The following BNC2 variants were observed in gnomAD, a reference collection of about 807,000 sequenced individuals.
BNC2 encodes the protein basonuclin zinc finger protein 2, also known as zinc finger protein basonuclin-2.
Under a neutral mutation model 76.3 loss-of-function variants are expected in BNC2, and 20 were observed. The observed-to-expected ratio is 0.26, with a 90% CI of 0.18 to 0.38. The LOEUF (loss-of-function observed/expected upper bound fraction) is 0.38, where lower values mean the gene tolerates loss of function less well. BNC2 is among the 10% of genes least tolerant of loss of function. BNC2 has a pLI of 1.00. For missense variants in BNC2, 1,382 were observed against 1,399.8 expected (o/e 0.99, Z 0.20); for synonymous variants, 582 against 514.8 (o/e 1.13, Z -1.77).
At chr9:16,685,693 C>T (rs1822956885) in intron 3 of BNC2, 1 of 1,127,324 alleles carries the variant, frequency 8.9e-7, no homozygotes, top group Admixed American at 2.3e-5. Context: ...CACAGTCACA[C>T]TTGACCCAGG....
chr9:16,860,863 T>C (rs1477187104), intron 1 of BNC2, among the ~76,000 whole-genome samples: 10 of 151,918 alleles, frequency 6.6e-5, no homozygotes, highest in Middle Eastern at 3.2e-3. Context: ...CTGGCCAACA[T>C]AGAGAAACCC....
intron 1 of BNC2, among the ~76,000 whole-genome samples, chr9:16,845,910 G>A (rs1047316438): frequency 1.3e-5 from 2 of 152,036 alleles, no homozygotes; most frequent in Non-Finnish European, 2.9e-5. Flanking sequence ...AGCACTTTGG[G>A]AGGCCGAGAC....
intron 5 of BNC2, among the ~76,000 whole-genome samples, chr9:16,465,688 A>G (rs1407889380): frequency 6.6e-6 from 1 of 152,150 alleles, no homozygotes; most frequent in Non-Finnish European, 1.5e-5. Flanking sequence ...ATAACAAGAT[A>G]AGGAAAAAAA....
At chr9:16,465,415 G>A (rs1163675624) in intron 5 of BNC2, among the ~76,000 whole-genome samples, 1 of 128,414 alleles carries the variant, frequency 7.8e-6, no homozygotes, top group African/African-American at 3.2e-5. Context: ...TAGCCTGGGC[G>A]ACAGTGAGAC....
At chr9:16,510,360 T>A (rs1822724492) in intron 5 of BNC2, among the ~76,000 whole-genome samples, 1 of 152,206 alleles carries the variant, frequency 6.6e-6, no homozygotes, top group African/African-American at 2.4e-5. Context: ...AGTCTCCTAC[T>A]TCGTCATGAA....
chr9:16,439,942 G>A (rs1398927560), intron 5 of BNC2, among the ~76,000 whole-genome samples: 1 of 152,168 alleles, frequency 6.6e-6, no homozygotes, highest in Non-Finnish European at 1.5e-5. Flanking sequence ...ACATAAGGGT[G>A]CAGGCACATG....
chr9:16,654,876 T>C (rs974218554), intron 3 of BNC2, among the ~76,000 whole-genome samples: 10 of 152,296 alleles, frequency 6.6e-5, no homozygotes, highest in African/African-American at 2.4e-4. Flanking sequence ...CGTTCCATCA[T>C]GGAGGTCTTG....
At chr9:16,430,204 A>G (rs1318223203) in intron 6 of BNC2, among the ~76,000 whole-genome samples, 1 of 152,184 alleles carries the variant, frequency 6.6e-6, no homozygotes, top group Admixed American at 6.5e-5. Context: ...GGAAAAAAAA[A>G]AAACTCTTCC....
intron 1 of BNC2, among the ~76,000 whole-genome samples, chr9:16,783,667 T>A (rs1030693177): frequency 1.3e-5 from 2 of 152,220 alleles, no homozygotes; most frequent in Non-Finnish European, 2.9e-5. Context: ...GATCACAGTA[T>A]CTCTATAACA....
At chr9:16,426,097 A>C (rs1018992189) in intron 6 of BNC2, among the ~76,000 whole-genome samples, 1 of 152,222 alleles carries the variant, frequency 6.6e-6, no homozygotes, top group African/African-American at 2.4e-5. Flanking sequence ...TATGGTGCTC[A>C]GTTTACTACT....
intron 3 of BNC2, among the ~76,000 whole-genome samples, chr9:16,646,387 T>G (rs1348638062): frequency 6.6e-6 from 1 of 152,220 alleles, no homozygotes; most frequent in East Asian, 1.9e-4. Context: ...TATTCATTTT[T>G]TAAATGGCTG....
chr9:16,842,010 C>T (rs1818842881), intron 1 of BNC2, among the ~76,000 whole-genome samples: 1 of 152,094 alleles, frequency 6.6e-6, no homozygotes, highest in South Asian at 2.1e-4. Flanking sequence ...GGTTTCACCA[C>T]TTTTGGTCAG....
intron 1 of BNC2, among the ~76,000 whole-genome samples, chr9:16,753,135 G>A (rs74742691): frequency 0.052 from 4,393 of 85,130 alleles, 148 homozygotes; most frequent in East Asian, 0.17. Flanking sequence ...GACAAACACA[G>A]CAGTTTGAAT....
intron 3 of BNC2, among the ~76,000 whole-genome samples, chr9:16,630,793 G>C (rs1165447381): frequency 1.4e-5 from 2 of 142,842 alleles, no homozygotes; most frequent in Non-Finnish European, 3.0e-5. Context: ...AGGCTGGAGG[G>C]CAACGGTGCG....
At chr9:16,756,552 T>A (rs570063105) in intron 1 of BNC2, among the ~76,000 whole-genome samples, 93 of 152,348 alleles carry the variant, frequency 6.1e-4, no homozygotes, top group African/African-American at 2.0e-3. Flanking sequence ...CCCTGTAAGA[T>A]TTGATCTCTG....
At chr9:16,617,548 C>A (rs7049082) in intron 3 of BNC2, among the ~76,000 whole-genome samples, 123,477 of 149,798 alleles carry the variant, frequency 0.82, 53,127 homozygotes, top group East Asian at 0.96. Flanking sequence ...AAAAAAACCA[C>A]GATTATCTAT....
intron 1 of BNC2, among the ~76,000 whole-genome samples, chr9:16,836,516 A>C (rs1200972844): frequency 6.7e-6 from 1 of 149,160 alleles, no homozygotes. Flanking sequence ...TCCTTTCAGG[A>C]GAAAAAAAAA....
Position 16,436,224 on chromosome 9 carries a change from T to G in BNC2, c.1970A>C (p.Asp657Ala). ...IDTADEFDDE[D>A]DDPNDGGAVV... The stretch of plus-strand genomic sequence containing the variant: ...AGCTCCACCATCATTGGGGTCATCA[T>G]CTTCATCATCAAACTCATCGGCGGT... The change falls in exon 6 of 7, where the codon GAT becomes GCT. Residue 657 changes from aspartate (D) to alanine (A), a missense_variant. Asp to Ala is a moderately radical substitution (Grantham distance 126). This residue lies in a region of BNC2 where 798 missense variants were observed against 775.5 expected (regional missense o/e 1.03). Transcript: ENST00000380672. The G allele has an allele frequency of 6.2e-7, 1 of 1,614,160 alleles. No homozygotes were observed. Among genetic ancestry groups the G allele is most frequent in the Admixed American group, 1.7e-5 (1 of 60,014 alleles).
intron 3 of BNC2, among the ~76,000 whole-genome samples, chr9:16,595,800 A>G (rs1563855418): frequency 6.6e-6 from 1 of 152,152 alleles, no homozygotes; most frequent in African/African-American, 2.4e-5. Flanking sequence ...CAAATGCTTC[A>G]ACATCACTGA....
Sources: gnomAD v4.1 joint callset for allele counts (sites outside exome capture counted in the v4.1 genomes callset) on GRCh38, gnomAD v4.1.1 for gene constraint, gnomAD v4.1.1 regional missense constraint, MANE v1.5 for transcripts, NCBI Gene and HGNC (gene_info 2026-07-23, HGNC 2026-07-21) for gene names.